The following CRYBG1 variants were observed in gnomAD, a reference collection of about 807,000 sequenced individuals.
CRYBG1 encodes crystallin beta-gamma domain containing 1, also known as beta/gamma crystallin domain-containing protein 1.
CRYBG1 carries 139 observed loss-of-function variants against 189.2 expected under a neutral mutation model. The ratio of observed to expected loss-of-function variants is 0.73; its 90% CI spans 0.64 to 0.85. The LOEUF (loss-of-function observed/expected upper bound fraction) is 0.85, where lower values mean the gene tolerates loss of function less well. CRYBG1 is among the 40% of genes least tolerant of loss of function. CRYBG1 has a pLI of 0.00. For missense variants in CRYBG1, 2,611 were observed against 2,675.8 expected (o/e 0.98, Z 0.53); for synonymous variants, 1,023 against 1,017.1 (o/e 1.01, Z -0.11).
intron 3 of CRYBG1, among the ~76,000 whole-genome samples, chr6:106,517,429 TACACAC>T (rs1379017287): frequency 1.8e-5 from 2 of 108,132 alleles, no homozygotes; most frequent in Non-Finnish European, 3.8e-5. Context: ...CACATATATA[TACACAC>T]ACACATATAT....
intron 1 of CRYBG1, among the ~76,000 whole-genome samples, chr6:106,379,220 T>A (rs923719046): frequency 6.6e-6 from 1 of 152,206 alleles, no homozygotes; most frequent in Admixed American, 6.5e-5. Context: ...AACACTTATT[T>A]GATTAGTAAA....
intron 2 of CRYBG1, among the ~76,000 whole-genome samples, chr6:106,480,970 T>TAAGAAAAGAAAAAA (rs1562081332): frequency 7.3e-3 from 141 of 19,296 alleles, no homozygotes; most frequent in South Asian, 0.015. Context: ...GACTCTGTCT[T>TAAGAAAAGAAAAAA]TTTTTTTTTT....
intron 2 of CRYBG1, among the ~76,000 whole-genome samples, chr6:106,469,416 A>C (rs532897885): frequency 3.1e-4 from 47 of 152,300 alleles, no homozygotes; most frequent in African/African-American, 1.1e-3. Flanking sequence ...TCTTTTGTTC[A>C]TTGCTTTATC....
chr6:106,362,030 G>T (rs1582719950), intron 1 of CRYBG1, among the ~76,000 whole-genome samples: 1 of 120,284 alleles, frequency 8.3e-6, no homozygotes, highest in African/African-American at 3.1e-5. Context: ...GAGTGCACTG[G>T]CCCAATCCCG....
intron 1 of CRYBG1, among the ~76,000 whole-genome samples, chr6:106,423,251 GT>G (rs5878887): frequency 0.36 from 29,428 of 80,628 alleles, 2,644 homozygotes; most frequent in South Asian, 0.5. Context: ...GAGTTGGCTG[GT>G]TTTTTTTTTT....
chr6:106,451,955 A>G (rs1274043216), intron 2 of CRYBG1, 123 bp downstream of exon 2: 5 of 520,522 alleles, frequency 9.6e-6, no homozygotes, highest in Non-Finnish European at 1.4e-5. Context: ...TATATCATAA[A>G]TTATATATAT....
chr6:106,536,941 A>G (rs1177224196), intron 8 of CRYBG1, among the ~76,000 whole-genome samples: 1 of 152,226 alleles, frequency 6.6e-6, no homozygotes, highest in East Asian at 1.9e-4. Context: ...TACTCTGCAT[A>G]TGAGTTTTCA....
chr6:106,489,558 T>C (rs1482717809), intron 2 of CRYBG1, among the ~76,000 whole-genome samples: 2 of 151,750 alleles, frequency 1.3e-5, no homozygotes, highest in African/African-American at 4.8e-5. Flanking sequence ...GTGGCTCACC[T>C]ATGTAATCCC....
chr6:106,373,153 T>C (rs772753310), intron 1 of CRYBG1, among the ~76,000 whole-genome samples: 2 of 152,202 alleles, frequency 1.3e-5, no homozygotes, highest in Non-Finnish European at 2.9e-5. Flanking sequence ...CTTGGTCCCA[T>C]TGTACAGAAG....
Position 106,520,256 on chromosome 6 carries a change from T to C in CRYBG1, c.3048T>C (p.His1016=), listed in dbSNP as rs771616285. 9.3e-6 allele frequency: 15 copies of C among 1,614,052 alleles called. 1 individual carries two copies. In the South Asian group the frequency reaches 9.9e-5, roughly 11 times the overall value. Reference sequence around the variant, plus strand: ...AAGTACTGGGCAATGAACACTCTCATTGCACAGCAGAGCTCGCGGCAAAAT... The same window carrying C: ...AAGTACTGGGCAATGAACACTCTCACTGCACAGCAGAGCTCGCGGCAAAAT... ...QEEVLGNEHS[H]CTAELAAKSG... is the part of the protein sequence containing the mutation. The change falls in exon 4 of 22, where the codon CAT becomes CAC. Residue 1016 remains histidine (H), a synonymous_variant. Coordinates refer to ENST00000633556, the MANE Select transcript of CRYBG1 (RefSeq NM_001371242.2).
intron 10 of CRYBG1, 23 bp downstream of exon 10, chr6:106,541,644 G>C (rs548276023): frequency 1.3e-6 from 2 of 1,484,812 alleles, no homozygotes; most frequent in Non-Finnish European, 1.9e-6. Context: ...ATGTATTTTT[G>C]TATGTATGTA....
intron 2 of CRYBG1, among the ~76,000 whole-genome samples, chr6:106,474,114 C>T (rs151127952): frequency 6.6e-6 from 1 of 152,208 alleles, no homozygotes; most frequent in Non-Finnish European, 1.5e-5. Flanking sequence ...AGTCCTTTTA[C>T]AAAACTGTAT....
intron 2 of CRYBG1, among the ~76,000 whole-genome samples, chr6:106,492,971 A>AT (rs61116633): frequency 6.0e-4 from 88 of 147,436 alleles, no homozygotes; most frequent in Admixed American, 2.1e-3. Flanking sequence ...TCTATTTTTA[A>AT]TTTTTTTTTT....
intron 17 of CRYBG1, among the ~76,000 whole-genome samples, chr6:106,557,163 T>TG (rs1427581098): frequency 6.6e-6 from 1 of 152,238 alleles, no homozygotes; most frequent in Admixed American, 6.5e-5. Context: ...ATCTCAAAAG[T>TG]GCAATAAAAG....
At chr6:106,388,757 G>A (rs568810535) in intron 1 of CRYBG1, among the ~76,000 whole-genome samples, 3 of 152,282 alleles carry the variant, frequency 2.0e-5, no homozygotes, top group Admixed American at 1.3e-4. Context: ...CTTTGCTGAT[G>A]ATTAGAATAA....
chr6:106,554,187 G>C (rs1450020374), intron 16 of CRYBG1, among the ~76,000 whole-genome samples: 2 of 152,216 alleles, frequency 1.3e-5, no homozygotes, highest in Non-Finnish European at 2.9e-5. Context: ...ATCTGTGCAA[G>C]AGGTGTTGAG....
In CRYBG1 at chr6:106,512,869, C is replaced by A; in HGVS notation, c.1752C>A (p.Pro584=). 1 of 1,592,518 alleles carries A rather than the reference C, an allele frequency of 6.3e-7. No homozygotes were observed. ...KSSSLLPEIK[P]EHKRGPLPNH... ...GCTCGCTGCTGCCGGAGATCAAGCC[C>A]GAGCACAAGAGGGGCCCGCTCCCCA... The change falls in exon 3 of 22, where the codon CCC becomes CCA. Residue 584 remains proline, a synonymous_variant. Transcript: ENST00000633556.
chr6:106,383,395 G>A (rs1770324498), intron 1 of CRYBG1, among the ~76,000 whole-genome samples: 1 of 152,204 alleles, frequency 6.6e-6, no homozygotes, highest in Non-Finnish European at 1.5e-5. Context: ...TGGCAAAGCT[G>A]GGGCCAGAAC....
At position 106,563,819 on chromosome 6, in the gene CRYBG1, A is replaced by G. The variant is rs1774795074; in HGVS notation, c.6194A>G (p.Lys2065Arg). 2.5e-6 allele frequency: 4 copies of G among 1,613,534 alleles called. No homozygotes were observed. The highest frequency in any genetic ancestry group is 2.5e-6 in the Non-Finnish European group (3 of 1,179,444). ...IVGSLVTSGS[K>R]LGLALDQNAD... is the part of the protein sequence containing the mutation. Reference sequence around the variant, plus strand: ...GGCAGCCTGGTAACATCTGGCTCCAAGCTAGGCCTGGCCCTGGACCAGAAT... The same window carrying G: ...GGCAGCCTGGTAACATCTGGCTCCAGGCTAGGCCTGGCCCTGGACCAGAAT... The change falls in exon 21 of 22, where the codon AAG (lysine) becomes AGG (arginine). Residue 2065 changes from lysine to arginine, a missense_variant. Around this residue, in one of 3 missense-constraint regions of CRYBG1, gnomAD observed 1,622 missense variants for 1,735.0 expected, o/e 0.93. Transcript: ENST00000633556.
Sources: gnomAD v4.1 joint callset for allele counts (sites outside exome capture counted in the v4.1 genomes callset) on GRCh38, gnomAD v4.1.1 for gene constraint, gnomAD v4.1.1 regional missense constraint, MANE v1.5 for transcripts, NCBI Gene and HGNC (gene_info 2026-07-23, HGNC 2026-07-21) for gene names.